The following QTMAN variants were observed in gnomAD, a reference collection of about 807,000 sequenced individuals.
QTMAN encodes the protein tRNA-queuosine alpha-mannosyltransferase.
At chr2:144,176,638 T>C in the QTMAN span, among the ~76,000 whole-genome samples, 3 of 152,160 alleles carry the variant, frequency 2.0e-5, no homozygotes, top group African/African-American at 4.8e-5. Context: ...GGTAGGCTGA[T>C]AGTGCACACA....
chr2:143,939,919 T>G, the QTMAN span: 1 of 152,242 alleles, frequency 6.6e-6, no homozygotes, highest in East Asian at 1.9e-4. Context: ...TACTTTTCTT[T>G]GACCATGTTT....
At chr2:144,170,399 C>T in the QTMAN span, among the ~76,000 whole-genome samples, 1 of 152,148 alleles carries the variant, frequency 6.6e-6, no homozygotes, top group South Asian at 2.1e-4. Context: ...CATTTTCATG[C>T]TAGTTCCCCT....
chr2:144,201,714 G>A, the QTMAN span, among the ~76,000 whole-genome samples: 14 of 152,210 alleles, frequency 9.2e-5, no homozygotes, highest in South Asian at 2.1e-4. Flanking sequence ...TACTAATGAT[G>A]GAAAAGAATA....
the QTMAN span, among the ~76,000 whole-genome samples, chr2:144,185,568 C>T: frequency 6.6e-6 from 1 of 152,150 alleles, no homozygotes; most frequent in Admixed American, 6.6e-5. Flanking sequence ...GCAAAGATTA[C>T]CATGTTTGAT....
At chr2:144,013,000 C>T in the QTMAN span, among the ~76,000 whole-genome samples, 7 of 152,008 alleles carry the variant, frequency 4.6e-5, no homozygotes, top group Admixed American at 2.0e-4. Flanking sequence ...AGAGCCACAG[C>T]GTTGTATCCC....
the QTMAN span, among the ~76,000 whole-genome samples, chr2:144,156,619 G>T: frequency 2.0e-5 from 3 of 151,922 alleles, no homozygotes; most frequent in Non-Finnish European, 2.9e-5. Context: ...CTTTTTTAAA[G>T]ATCAAATGGA....
chr2:144,011,653 A>AAAAGGAAATAAT, the QTMAN span: 1 of 980,508 alleles, frequency 1.0e-6, no homozygotes, highest in Non-Finnish European at 1.2e-6. Context: ...AAAAAAAAAA[A>AAAAGGAAATAAT]AAAGGAAATA....
chr2:144,303,076 T>C, the QTMAN span, among the ~76,000 whole-genome samples: 1 of 151,946 alleles, frequency 6.6e-6, no homozygotes, highest in Admixed American at 6.6e-5. Context: ...CATTCCAGCC[T>C]GGGTGACAGA....
At chr2:144,004,946 C>T in the QTMAN span, among the ~76,000 whole-genome samples, 3 of 152,042 alleles carry the variant, frequency 2.0e-5, no homozygotes, top group Non-Finnish European at 4.4e-5. Flanking sequence ...GTTTATTCCT[C>T]GTAATCTTCC....
chr2:144,295,129 T>G, the QTMAN span: 1 of 152,170 alleles, frequency 6.6e-6, no homozygotes, highest in Non-Finnish European at 1.5e-5. Context: ...CCTGAAAGCT[T>G]TATCTTGCAG....
At chr2:144,237,048 C>T in the QTMAN span, among the ~76,000 whole-genome samples, 1 of 152,138 alleles carries the variant, frequency 6.6e-6, no homozygotes, top group Non-Finnish European at 1.5e-5. Context: ...ATTTACCACG[C>T]ACTGCACTCA....
the QTMAN span, among the ~76,000 whole-genome samples, chr2:144,231,012 T>C: frequency 7.2e-5 from 11 of 152,242 alleles, no homozygotes; most frequent in African/African-American, 2.6e-4. Context: ...TGAGATGCCA[T>C]AGAAAACATA....
At chr2:144,051,434 G>A in the QTMAN span, among the ~76,000 whole-genome samples, 1 of 152,006 alleles carries the variant, frequency 6.6e-6, no homozygotes, top group East Asian at 1.9e-4. Flanking sequence ...TACTCTGGAT[G>A]GCTTGAGCCC....
chr2:143,952,953 G>A, the QTMAN span: 3 of 679,602 alleles, frequency 4.4e-6, no homozygotes, highest in Admixed American at 2.6e-5. Flanking sequence ...GAGTTAACTG[G>A]GACAAAAAAC....
the QTMAN span, among the ~76,000 whole-genome samples, chr2:144,104,576 G>A: frequency 6.6e-6 from 1 of 152,198 alleles, no homozygotes; most frequent in Non-Finnish European, 1.5e-5. Context: ...GCCCACAATT[G>A]CTGAGGCTTG....
chr2:144,153,685 C>T, the QTMAN span, among the ~76,000 whole-genome samples: 53 of 152,048 alleles, frequency 3.5e-4, no homozygotes, highest in African/African-American at 1.1e-3. Flanking sequence ...AGAGAGACTC[C>T]GTCTCAAAGA....
the QTMAN span, among the ~76,000 whole-genome samples, chr2:144,048,575 G>A: frequency 6.6e-6 from 1 of 152,078 alleles, no homozygotes; most frequent in Non-Finnish European, 1.5e-5. Context: ...GAGAAAAAAT[G>A]CAGCTTTAAT....
chr2:144,141,830 T>A, the QTMAN span: 3 of 1,352,460 alleles, frequency 2.2e-6, no homozygotes, highest in African/African-American at 2.9e-5. Context: ...TTTTTATACA[T>A]TTGAGGAATA....
the QTMAN span, among the ~76,000 whole-genome samples, chr2:144,045,237 G>C: frequency 6.6e-6 from 1 of 152,232 alleles, no homozygotes; most frequent in Non-Finnish European, 1.5e-5. Context: ...AGTAAGAACT[G>C]AGGAGAGGAT....
Sources: gnomAD v4.1 joint callset for allele counts (sites outside exome capture counted in the v4.1 genomes callset) on GRCh38, gnomAD v4.1.1 for gene constraint, MANE v1.5 for transcripts, NCBI Gene and HGNC (gene_info 2026-07-23, HGNC 2026-07-21) for gene names.